Variants in SAMMSON observed in about 807,000 individuals in gnomAD.
SAMMSON encodes the protein survival associated mitochondrial melanoma specific oncogenic non-coding RNA, also known as long intergenic non-protein coding RNA 1212.
At chr3:70,067,776 A>G (rs1456083887) in intron 3 of SAMMSON, among the ~76,000 whole-genome samples, 1 of 152,124 alleles carries the variant, frequency 6.6e-6, no homozygotes, top group Non-Finnish European at 1.5e-5. Flanking sequence ...AAGAATTTTC[A>G]TGCCAGAGGT....
rs1362861416 is a variant in SAMMSON, at chr3:70,366,001, T to TTC, written n.913+7677_913+7678insTC. Among the ~76,000 whole-genome samples, 6 of 21,796 alleles carry TTC rather than the reference T, an allele frequency of 2.8e-4. 1 individual carries two copies. Among genetic ancestry groups the TTC allele is most frequent in the African/African-American group, 1.0e-3 (6 of 5,948 alleles). 14.3% of individuals were successfully genotyped at this position (21,796 alleles called of 152,430 possible). ...TTTTTTTTTTTTTTTTTTTTTTTTT[T>TTC]GAGACGGAGTCTCGCTCTGTCGCCC... is the stretch of plus-strand genomic sequence containing the variant. On this transcript the variant is annotated intron_variant and non_coding_transcript_variant, in intron 9 of 9. Coordinates refer to ENST00000642114, the Ensembl canonical transcript of SAMMSON.
chr3:70,254,390 G>A (rs912382094), intron 6 of SAMMSON, among the ~76,000 whole-genome samples: 6 of 152,056 alleles, frequency 3.9e-5, no homozygotes. Flanking sequence ...TGTACAAGTT[G>A]TACATTATTA....
chr3:70,218,880 GAAC>G (rs1008021947), intron 4 of SAMMSON, among the ~76,000 whole-genome samples: 5 of 152,164 alleles, frequency 3.3e-5, no homozygotes, highest in African/African-American at 1.2e-4. Context: ...ATGTTGAGGT[GAAC>G]TATTCTGAAT....
At position 70,280,444 on chromosome 3, in the gene SAMMSON, A is replaced by G. The variant is rs182347980; in HGVS notation, n.675-10735A>G. Among the ~76,000 whole-genome samples, 548 of 152,250 alleles carry G rather than the reference A, an allele frequency of 3.6e-3. 3 individuals are homozygous for G. The highest frequency in any genetic ancestry group is 0.013 in the African/African-American group (530 of 41,546). ...CCTTGTTTCTTACCCTTACCACCCT[A>G]GGCATGTAACTCTCAAATAAGGCAT... On this transcript the variant is annotated intron_variant and non_coding_transcript_variant, in intron 6 of 9. Transcript: ENST00000642114.
At chr3:70,009,606 T>G (rs901852758) in intron 1 of SAMMSON, among the ~76,000 whole-genome samples, 7 of 151,848 alleles carry the variant, frequency 4.6e-5, no homozygotes, top group African/African-American at 1.5e-4. Flanking sequence ...ATTCATTGAT[T>G]TTTTTGAAGG....
chr3:70,201,073 A>G (rs942639592), intron 4 of SAMMSON, among the ~76,000 whole-genome samples: 1 of 151,428 alleles, frequency 6.6e-6, no homozygotes, highest in African/African-American at 2.4e-5. Flanking sequence ...TATTAAGTTC[A>G]GGGGTCATGT....
intron 3 of SAMMSON, among the ~76,000 whole-genome samples, chr3:70,044,773 T>C (rs1216137061): frequency 1.3e-5 from 2 of 150,962 alleles, no homozygotes; most frequent in Admixed American, 1.3e-4. Flanking sequence ...AAATAAAATG[T>C]AACTGTGTTT....
chr3:70,141,162 A>G (rs1474329003), intron 4 of SAMMSON, among the ~76,000 whole-genome samples: 1 of 152,202 alleles, frequency 6.6e-6, no homozygotes, highest in East Asian at 1.9e-4. Context: ...AAAAATCTGT[A>G]TTAAGATTCT....
At chr3:70,341,245 A>G (rs1322752650) in intron 7 of SAMMSON, among the ~76,000 whole-genome samples, 1 of 152,088 alleles carries the variant, frequency 6.6e-6, no homozygotes, top group Non-Finnish European at 1.5e-5. Flanking sequence ...TTAGCCCACA[A>G]GAGACCATGG....
chr3:70,092,131 C>T (rs2067306997), intron 4 of SAMMSON, among the ~76,000 whole-genome samples: 1 of 152,204 alleles, frequency 6.6e-6, no homozygotes, highest in East Asian at 1.9e-4. Context: ...CCTCTCTGGT[C>T]TCAATTTGCC....
intron 2 of SAMMSON, among the ~76,000 whole-genome samples, chr3:70,421,419 T>A (rs1289129671): frequency 3.3e-5 from 5 of 152,102 alleles, no homozygotes; most frequent in Non-Finnish European, 5.9e-5. Context: ...ATGCTCCAAT[T>A]GATATAGAAA....
In SAMMSON at chr3:70,033,250, T is replaced by G. The variant is rs74389199; in HGVS notation, n.417+19578T>G. On this transcript the variant is annotated intron_variant and non_coding_transcript_variant, in intron 3 of 9. Transcript: ENST00000642114. The stretch of plus-strand genomic sequence containing the variant: ...CTTTCTCAGTCTTCCTACCTCCCTC[T>G]CCTACTTCCTATAATCATTTCCCAA... Among the ~76,000 whole-genome samples the G allele has an allele frequency of 3.9e-5, 6 of 152,304 alleles. No individual in the cohort carries two copies. In the East Asian group the frequency reaches 1.2e-3, roughly 29 times the overall value.
intron 4 of SAMMSON, among the ~76,000 whole-genome samples, chr3:70,086,678 C>T (rs754504278): frequency 2.0e-5 from 3 of 152,204 alleles, no homozygotes; most frequent in Admixed American, 6.5e-5. Context: ...TCTGTAAATT[C>T]AGCCCCCTTA....
intron 4 of SAMMSON, among the ~76,000 whole-genome samples, chr3:70,241,451 T>C (rs1237260217): frequency 6.6e-6 from 1 of 152,210 alleles, no homozygotes; most frequent in Non-Finnish European, 1.5e-5. Flanking sequence ...TTTGTAAATA[T>C]GATGAAAAGA....
intron 4 of SAMMSON, among the ~76,000 whole-genome samples, chr3:70,118,281 A>C (rs1032844813): frequency 6.6e-6 from 1 of 152,180 alleles, no homozygotes; most frequent in Non-Finnish European, 1.5e-5. Context: ...TTAGACCATG[A>C]GAAGCACTTT....
At chr3:70,358,036 C>T (rs954017540) in intron 8 of SAMMSON, among the ~76,000 whole-genome samples, 2 of 151,986 alleles carry the variant, frequency 1.3e-5, no homozygotes, top group Admixed American at 1.3e-4. Context: ...TGAGTCAGTT[C>T]GTACAGTTCC....
At chr3:70,364,550 C>T (rs1268608292) in intron 9 of SAMMSON, among the ~76,000 whole-genome samples, 1 of 151,822 alleles carries the variant, frequency 6.6e-6, no homozygotes, top group Non-Finnish European at 1.5e-5. Flanking sequence ...AAAATTCTAT[C>T]TTTAAAATGC....
At chr3:70,213,285 T>C (rs572713589) in intron 4 of SAMMSON, among the ~76,000 whole-genome samples, 2 of 152,158 alleles carry the variant, frequency 1.3e-5, no homozygotes, top group Non-Finnish European at 2.9e-5. Flanking sequence ...CCAAGTTGCC[T>C]GTGGAAACAG....
intron 4 of SAMMSON, among the ~76,000 whole-genome samples, chr3:70,172,092 A>C (rs1015482436): frequency 6.6e-6 from 1 of 151,958 alleles, no homozygotes; most frequent in Non-Finnish European, 1.5e-5. Context: ...CTGATCCACT[A>C]GAACTACATT....
Sources: gnomAD v4.1 joint callset for allele counts (sites outside exome capture counted in the v4.1 genomes callset) on GRCh38, gnomAD v4.1.1 for gene constraint, MANE v1.5 for transcripts, NCBI Gene and HGNC (gene_info 2026-07-23, HGNC 2026-07-21) for gene names.